Variants in IKZF1 observed in about 807,000 individuals in gnomAD.
IKZF1 encodes IKAROS family zinc finger 1.
In IKZF1, 10 loss-of-function variants were observed where a neutral mutation model predicts 51.7. That is an observed-to-expected ratio of 0.19 (90% CI 0.12 to 0.33). The LOEUF (loss-of-function observed/expected upper bound fraction) is 0.33. IKZF1 is among the 10% of genes least tolerant of loss of function. IKZF1 has a pLI of 1.00. For missense variants in IKZF1, 484 were observed against 707.5 expected (o/e 0.68, Z 3.58); for synonymous variants, 280 against 282.3 (o/e 0.99, Z 0.08).
intron 3 of IKZF1, among the ~76,000 whole-genome samples, chr7:50,355,133 G>A (rs1802939118): frequency 6.6e-6 from 1 of 152,146 alleles, no homozygotes; most frequent in Non-Finnish European, 1.5e-5. Context: ...CAAATCTTGA[G>A]AAGCCTCCTC....
intron 3 of IKZF1, among the ~76,000 whole-genome samples, chr7:50,373,509 G>GT (rs1236947681): frequency 6.6e-6 from 1 of 152,136 alleles, no homozygotes; most frequent in Non-Finnish European, 1.5e-5. Context: ...CCTGTTCTGC[G>GT]TGGTGTCCTT....
chr7:50,327,616 C>T (rs764384356), intron 2 of IKZF1, 22 bp from the exon 3 acceptor site: 3 of 1,596,312 alleles, frequency 1.9e-6, no homozygotes, highest in South Asian at 1.1e-5. Flanking sequence ...GCCCGAGACT[C>T]ACACTTCTTC....
intron 3 of IKZF1, among the ~76,000 whole-genome samples, chr7:50,331,801 C>T (rs1157243945): frequency 6.6e-6 from 1 of 152,218 alleles, no homozygotes; most frequent in Non-Finnish European, 1.5e-5. Context: ...AGCAGCCCTG[C>T]AGCCCTCAGT....
intron 3 of IKZF1, among the ~76,000 whole-genome samples, chr7:50,335,535 GTGTA>G (rs1417446517): frequency 4.1e-5 from 6 of 146,360 alleles, no homozygotes; most frequent in African/African-American, 1.0e-4. Context: ...GGTGCATAGT[GTGTA>G]TGTGTGTATG....
chr7:50,369,910 A>G (rs77147528), intron 3 of IKZF1, among the ~76,000 whole-genome samples: 7,141 of 152,306 alleles, frequency 0.047, 446 homozygotes, highest in East Asian at 0.23. Context: ...AACCTTCTAC[A>G]TTTTAAATGA....
At position 50,400,411 on chromosome 7, in the gene IKZF1, G is replaced by A. The variant is rs1269921669; in HGVS notation, c.1344G>A (p.Ala448=). ...CCGCCTCCGAGAACTCGCAGGACGC[G>A]CTCCGCGTGGTCAGCACCAGCGGGG... ...LRAASENSQD[A]LRVVSTSGEQ... The change falls in exon 8 of 8, where the codon GCG becomes GCA. Residue 448 remains alanine, a synonymous_variant. Transcript: ENST00000331340. The surrounding 1 kb of genome is among the most constrained non-coding windows in gnomAD (Gnocchi z 5.4). 8.1e-6 allele frequency: 13 copies of A among 1,613,682 alleles called. No individual in the cohort carries two copies. Among genetic ancestry groups the A allele is most frequent in the Non-Finnish European group, 1.1e-5 (13 of 1,179,824 alleles).
At chr7:50,375,334 G>T (rs1809916042) in intron 3 of IKZF1, among the ~76,000 whole-genome samples, 2 of 152,174 alleles carry the variant, frequency 1.3e-5, no homozygotes, top group African/African-American at 4.8e-5. Flanking sequence ...TGAGGTGGGA[G>T]GATCACTTGA....
intron 3 of IKZF1, among the ~76,000 whole-genome samples, chr7:50,351,441 C>T (rs1584693523): frequency 6.6e-6 from 1 of 152,206 alleles, no homozygotes; most frequent in African/African-American, 2.4e-5. Context: ...TCCTCCATAT[C>T]TACTTTCCCG....
chr7:50,381,343 T>G (rs1811791424), intron 4 of IKZF1, among the ~76,000 whole-genome samples: 1 of 152,240 alleles, frequency 6.6e-6, no homozygotes, highest in Non-Finnish European at 1.5e-5. Flanking sequence ...TGTTACAATA[T>G]CTCAACACCA....
chr7:50,358,856 G>GC (rs1554352314), intron 3 of IKZF1, among the ~76,000 whole-genome samples: 1 of 151,692 alleles, frequency 6.6e-6, no homozygotes, highest in South Asian at 2.1e-4. Flanking sequence ...AGTCCTTGGA[G>GC]TTTTTTTTCC....
chr7:50,392,510 G>A (rs7797772), intron 7 of IKZF1, among the ~76,000 whole-genome samples: 11,092 of 152,140 alleles, frequency 0.073, 540 homozygotes, highest in South Asian at 0.093. Flanking sequence ...GCCAGGGTCC[G>A]AGTGGAAAGG....
intron 3 of IKZF1, among the ~76,000 whole-genome samples, chr7:50,361,496 A>G (rs968459165): frequency 9.2e-5 from 14 of 152,222 alleles, no homozygotes; most frequent in African/African-American, 3.4e-4. Context: ...AAGTTGGCTG[A>G]CATGAAACAG....
chr7:50,334,500 C>G (rs1485882935), intron 3 of IKZF1, among the ~76,000 whole-genome samples: 1 of 150,498 alleles, frequency 6.6e-6, no homozygotes, highest in Non-Finnish European at 1.5e-5. Flanking sequence ...TTTGTGTGTG[C>G]ATGTATGTGT....
At chr7:50,306,896 T>C (rs1584343047) in intron 1 of IKZF1, among the ~76,000 whole-genome samples, 1 of 152,328 alleles carries the variant, frequency 6.6e-6, no homozygotes, top group East Asian at 1.9e-4. Context: ...GAAAGAACTC[T>C]CTATATATTA....
intron 6 of IKZF1, among the ~76,000 whole-genome samples, chr7:50,388,293 C>G (rs1291206667): frequency 6.6e-6 from 1 of 152,142 alleles, no homozygotes; most frequent in African/African-American, 2.4e-5. Flanking sequence ...GACTGTGAGT[C>G]GAAATTTAAC....
In IKZF1 at chr7:50,397,601, T is replaced by C. The variant is rs148936132; in HGVS notation, c.851-2317T>C. On this transcript the variant is annotated intron_variant, in intron 7 of 7. Transcript: ENST00000331340. Reference sequence around the variant, plus strand: ...GGCTACAAAGTCCATTCCCCTCCTTTTCTTGCCTTGATTTGGTAGAGGGAT... The same window carrying C: ...GGCTACAAAGTCCATTCCCCTCCTTCTCTTGCCTTGATTTGGTAGAGGGAT... Among the ~76,000 whole-genome samples, 463 of 152,350 alleles carry C rather than the reference T, an allele frequency of 3.0e-3. 2 individuals carry two copies. The highest frequency in any genetic ancestry group is 0.02 in the Middle Eastern group (6 of 294).
chr7:50,325,967 A>G (rs1393788965), intron 2 of IKZF1, among the ~76,000 whole-genome samples: 1 of 152,222 alleles, frequency 6.6e-6, no homozygotes, highest in Non-Finnish European at 1.5e-5. Context: ...ATACCCAATA[A>G]TGCTCTTTCT....
At chr7:50,332,915 C>G (rs1031440576) in intron 3 of IKZF1, among the ~76,000 whole-genome samples, 1 of 152,154 alleles carries the variant, frequency 6.6e-6, no homozygotes, top group Admixed American at 6.5e-5. Flanking sequence ...GGGAGGGGAT[C>G]GCCATGGTTT....
chr7:50,316,229 C>T lies in IKZF1; in HGVS notation c.-14-2819C>T, dbSNP rs147186983. Among the ~76,000 whole-genome samples, 415 of 152,238 alleles carry T rather than the reference C, an allele frequency of 2.7e-3. 2 individuals are homozygous for T. Among genetic ancestry groups the T allele is most frequent in the African/African-American group, 9.5e-3 (393 of 41,518 alleles). ...TCAGTGCAGACCGAAAACTTGAGGCCTCTTGTTCAGAAATTATTAAAAATT... is the reference window on the plus strand; with the variant it reads ...TCAGTGCAGACCGAAAACTTGAGGCTTCTTGTTCAGAAATTATTAAAAATT... On this transcript the variant is annotated intron_variant, in intron 1 of 7. Coordinates refer to ENST00000331340, the MANE Select transcript of IKZF1 (RefSeq NM_006060.6).
Sources: allele counts gnomAD v4.1 joint callset (sites outside exome capture counted in the v4.1 genomes callset), GRCh38; gene constraint gnomAD v4.1.1; non-coding constraint Gnocchi (gnomAD v3.1); transcripts MANE v1.5; gene names NCBI Gene and HGNC (gene_info 2026-07-23, HGNC 2026-07-21).